Variants in PIGN observed in about 807,000 individuals in gnomAD.
The protein encoded by PIGN is phosphatidylinositol glycan anchor biosynthesis class N, also known as GPI ethanolamine phosphate transferase 1.
A neutral mutation model predicts 125.4 loss-of-function variants in PIGN; 117 were observed. The observed-to-expected ratio is 0.93, with a 90% CI of 0.80 to 1.09. The LOEUF (loss-of-function observed/expected upper bound fraction) is 1.09. Ranked by LOEUF, PIGN falls within the 50% of genes least tolerant of loss-of-function variation. PIGN has a pLI of 0.00. For missense variants in PIGN, 1,075 were observed against 1,094.9 expected (o/e 0.98, Z 0.26); for synonymous variants, 392 against 377.8 (o/e 1.04, Z -0.44).
intron 1 of PIGN, among the ~76,000 whole-genome samples, chr18:62,169,544 C>T (rs2037277164): frequency 1.3e-5 from 2 of 151,336 alleles, no homozygotes; most frequent in Non-Finnish European, 2.9e-5. Context: ...AGATGACAGG[C>T]GTGAGTCACT....
At chr18:62,179,102 T>C (rs1420693992) in intron 1 of PIGN, among the ~76,000 whole-genome samples, 2 of 152,204 alleles carry the variant, frequency 1.3e-5, no homozygotes, top group Non-Finnish European at 2.9e-5. Flanking sequence ...ATGGTAAGTC[T>C]GGGGTTATGG....
chr18:62,020,475 T>C (rs542160766), intron 23 of PIGN, among the ~76,000 whole-genome samples: 3 of 150,654 alleles, frequency 2.0e-5, no homozygotes, highest in Non-Finnish European at 4.4e-5. Context: ...ATGACAGAGA[T>C]GATGGGATTA....
intron 29 of PIGN, among the ~76,000 whole-genome samples, chr18:62,073,945 T>C (rs1277205994): frequency 6.6e-6 from 1 of 152,228 alleles, no homozygotes; most frequent in African/African-American, 2.4e-5. Context: ...ATGAGGGCTT[T>C]GGGCCATATT....
chr18:62,072,604 A>T (rs1029050495), intron 30 of PIGN, 69 bp downstream of exon 30: 43 of 1,231,380 alleles, frequency 3.5e-5, no homozygotes, highest in Admixed American at 1.0e-4. Context: ...CAGTGAAGAA[A>T]TTGCCTAACA....
intron 1 of PIGN, 63 bp from the exon 2 acceptor site, chr18:62,163,719 T>C (rs2037034960): frequency 6.6e-6 from 1 of 152,162 alleles, no homozygotes; most frequent in African/African-American, 2.4e-5. Context: ...ATTTTAGACA[T>C]TTTAAAGCAC....
At chr18:62,155,835 C>T (rs72943696) in intron 6 of PIGN, among the ~76,000 whole-genome samples, 24,932 of 152,140 alleles carry the variant, frequency 0.16, 2,551 homozygotes, top group Middle Eastern at 0.26. Context: ...CCCTTACCAC[C>T]ACCAGCTCCC....
chr18:62,172,841 T>C (rs1300104754), intron 1 of PIGN, among the ~76,000 whole-genome samples: 1 of 152,312 alleles, frequency 6.6e-6, no homozygotes, highest in African/African-American at 2.4e-5. Flanking sequence ...TTCTGTTACA[T>C]AATAAGAGTG....
chr18:62,073,916 T>C (rs2033030806), intron 29 of PIGN, among the ~76,000 whole-genome samples: 1 of 152,126 alleles, frequency 6.6e-6, no homozygotes, highest in South Asian at 2.1e-4. Context: ...CACTGGACAG[T>C]CTAATAATGT....
chr18:62,143,138 G>C (rs887700273), intron 11 of PIGN, among the ~76,000 whole-genome samples, 168 bp downstream of exon 11: 4 of 152,162 alleles, frequency 2.6e-5, no homozygotes, highest in African/African-American at 9.7e-5. Context: ...TGCCACAAGA[G>C]AGATTAGCTG....
At chr18:62,150,027 G>A (rs1308339538) in intron 7 of PIGN, among the ~76,000 whole-genome samples, 1 of 152,162 alleles carries the variant, frequency 6.6e-6, no homozygotes, top group Non-Finnish European at 1.5e-5. Context: ...TATCGCCCAG[G>A]CTGGAGTGCA....
chr18:62,057,425 A>G (rs55992426), intron 30 of PIGN, among the ~76,000 whole-genome samples: 25,736 of 152,126 alleles, frequency 0.17, 2,938 homozygotes, highest in Middle Eastern at 0.28. Flanking sequence ...TTAGTCTATC[A>G]ACAAATCCTA....
At chr18:62,116,174 C>T (rs1480822139) in intron 14 of PIGN, among the ~76,000 whole-genome samples, 1 of 152,174 alleles carries the variant, frequency 6.6e-6, no homozygotes, top group Admixed American at 6.5e-5. Context: ...CCTTCAGATA[C>T]CACACATTTT....
intron 23 of PIGN, among the ~76,000 whole-genome samples, chr18:62,031,814 A>G (rs1331528979): frequency 3.3e-5 from 5 of 152,188 alleles, no homozygotes; most frequent in Non-Finnish European, 7.3e-5. Context: ...TTACCTCCCC[A>G]AGTGTACTCA....
intron 23 of PIGN, among the ~76,000 whole-genome samples, chr18:62,032,147 T>C (rs2030201718): frequency 6.6e-6 from 1 of 152,218 alleles, no homozygotes; most frequent in African/African-American, 2.4e-5. Flanking sequence ...TTAGCATCCT[T>C]CATTGTATCT....
intron 14 of PIGN, among the ~76,000 whole-genome samples, chr18:62,127,238 TAA>T (rs1180099099): frequency 1.3e-5 from 2 of 152,168 alleles, no homozygotes; most frequent in Non-Finnish European, 2.9e-5. Flanking sequence ...GAAAATATCT[TAA>T]GTCAATTTCC....
At chr18:62,166,104 T>C (rs1488069465) in intron 1 of PIGN, among the ~76,000 whole-genome samples, 1 of 152,176 alleles carries the variant, frequency 6.6e-6, no homozygotes, top group Non-Finnish European at 1.5e-5. Flanking sequence ...TGGAGTTAAA[T>C]TCTCAGGATA....
intron 14 of PIGN, among the ~76,000 whole-genome samples, chr18:62,127,955 C>T (rs564102349): frequency 6.6e-6 from 1 of 151,990 alleles, no homozygotes; most frequent in African/African-American, 2.4e-5. Context: ...ATTTTCCCAA[C>T]AAGAAAATGC....
At position 62,146,029 on chromosome 18, in the gene PIGN, C is replaced by A; in HGVS notation, c.806-4G>T. The A allele has an allele frequency of 1.5e-6, 2 of 1,332,972 alleles. No individual in the cohort carries two copies. Among genetic ancestry groups the A allele is most frequent in the Non-Finnish European group, 2.1e-6 (2 of 949,450 alleles). 82.6% of individuals were successfully genotyped at this position (1,332,972 alleles called of 1,614,324 possible). A position where few individuals can be genotyped will look rare whatever the true frequency, so the allele number is the denominator to read the frequency against. ...GGATGACCAGCCCCATGGGAACCTA[C>A]AAATAAGATATAAAGAATAATAAGA... On this transcript the variant is annotated splice_polypyrimidine_tract_variant and splice_region_variant and intron_variant, in intron 9 of 30. Transcript: ENST00000640252.
intron 7 of PIGN, among the ~76,000 whole-genome samples, chr18:62,149,749 T>G (rs567225956): frequency 6.6e-6 from 1 of 152,162 alleles, no homozygotes; most frequent in Non-Finnish European, 1.5e-5. Flanking sequence ...TGACATAACT[T>G]TGAAGATAAA....
Sources: gnomAD v4.1 joint callset for allele counts (sites outside exome capture counted in the v4.1 genomes callset) on GRCh38, gnomAD v4.1.1 for gene constraint, MANE v1.5 for transcripts, NCBI Gene and HGNC (gene_info 2026-07-23, HGNC 2026-07-21) for gene names.